MAN1C1: variants seen among roughly 807,000 people sequenced by gnomAD.
The protein encoded by MAN1C1 is mannosyl-oligosaccharide 1,2-alpha-mannosidase IC.
MAN1C1 carries 49 observed loss-of-function variants against 71.5 expected under a neutral mutation model. The observed-to-expected ratio is 0.69, with a 90% confidence interval of 0.54 to 0.87. MAN1C1 has a LOEUF of 0.87. MAN1C1 is among the 40% of genes least tolerant of loss of function. The pLI is 0.00. For synonymous variants in MAN1C1, 352 were observed against 343.7 expected, an observed-to-expected ratio of 1.02 and a Z score of -0.27; for missense variants, 743 against 835.0, an observed-to-expected ratio of 0.89 and a Z score of 1.36.
chr1:25,661,096 A>G (rs1183164652), intron 1 of MAN1C1, among the ~76,000 whole-genome samples: 2 of 151,624 alleles, frequency 1.3e-5, no homozygotes, highest in Admixed American at 1.3e-4. Context: ...TTTTTTTTTA[A>G]TTTCAGTTTT....
At position 25,753,332 on chromosome 1, in the gene MAN1C1, A is replaced by G. The variant is rs2047241512; in HGVS notation, c.835-152A>G. The G allele has an allele frequency of 1.9e-6, 1 of 517,688 alleles. No individual in the cohort carries two copies. Among genetic ancestry groups the G allele is most frequent in the South Asian group, 3.3e-5 (1 of 29,910 alleles). 32.1% of individuals were successfully genotyped at this position (517,688 alleles called of 1,614,324 possible). On this transcript the variant is annotated intron_variant, in intron 4 of 11. Transcript: ENST00000374332. This position sits in a 1 kb window ranked among gnomAD's most constrained non-coding sequence, Gnocchi z 4.9. Reference sequence around the variant, plus strand: ...GTACCTTGCCAAAGTCCACGTGGCCAGCAGTTGGAAGAACCGGGCTGGTGG... The same window carrying G: ...GTACCTTGCCAAAGTCCACGTGGCCGGCAGTTGGAAGAACCGGGCTGGTGG...
Position 25,753,698 on chromosome 1 carries a change from G to C in MAN1C1, c.929+120G>C, listed in dbSNP as rs1475035034. 5 of 730,994 alleles carry C rather than the reference G, an allele frequency of 6.8e-6. No homozygotes were observed. The highest frequency in any genetic ancestry group is 5.7e-5 in the East Asian group (2 of 35,056). The allele number at this position is 730,994 out of a possible 1,614,324, so 45.3% of individuals were successfully genotyped here. On this transcript the variant is annotated intron_variant, in intron 5 of 11. Transcript: ENST00000374332. The surrounding 1 kb of genome is among the most constrained non-coding windows in gnomAD (Gnocchi z 4.9). ...GCAGTAGGCAGGCAAGCAGGAGGGG[G>C]GACCCTTGGGACCACCTCTGTTGAA...
At chr1:25,781,824 C>T (rs1385314063) in intron 10 of MAN1C1, among the ~76,000 whole-genome samples, 6 of 152,330 alleles carry the variant, frequency 3.9e-5, no homozygotes, top group East Asian at 3.9e-4. Context: ...AAAGGCCAAG[C>T]GTCTTGTGCT....
At chr1:25,724,538 G>C (rs1557780294) in intron 2 of MAN1C1, among the ~76,000 whole-genome samples, 1 of 151,666 alleles carries the variant, frequency 6.6e-6, no homozygotes, top group African/African-American at 2.4e-5. Flanking sequence ...AAGCCTCTGC[G>C]TGTGTCACAT....
intron 1 of MAN1C1, among the ~76,000 whole-genome samples, chr1:25,640,364 T>G (rs1013514956): frequency 1.3e-5 from 2 of 152,238 alleles, no homozygotes. Context: ...CTTTGCCAAG[T>G]AAATGCTGAT....
chr1:25,673,898 T>C (rs1351711367), intron 1 of MAN1C1, among the ~76,000 whole-genome samples: 1 of 152,188 alleles, frequency 6.6e-6, no homozygotes, highest in African/African-American at 2.4e-5. Flanking sequence ...ATTTTGGAAA[T>C]GGTAGAGACA....
At chr1:25,704,978 A>AAG (rs2046499700) in intron 2 of MAN1C1, among the ~76,000 whole-genome samples, 1 of 152,240 alleles carries the variant, frequency 6.6e-6, no homozygotes, top group Non-Finnish European at 1.5e-5. Flanking sequence ...CCCTCTTGTT[A>AAG]AGGCTGCAGT....
chr1:25,625,591 G>A (rs1441475482), intron 1 of MAN1C1, among the ~76,000 whole-genome samples: 2 of 152,202 alleles, frequency 1.3e-5, no homozygotes, highest in Non-Finnish European at 2.9e-5. Flanking sequence ...TGAGGTGGGA[G>A]GATCACATGA....
At chr1:25,660,396 CTTTTTTT>C (rs1178878513) in intron 1 of MAN1C1, among the ~76,000 whole-genome samples, 9,019 of 97,096 alleles carry the variant, frequency 0.093, 937 homozygotes, top group African/African-American at 0.32. Context: ...AGTGAAATTC[CTTTTTTT>C]TTTTTTTTTT....
At chr1:25,702,571 A>C (rs190639247) in intron 2 of MAN1C1, among the ~76,000 whole-genome samples, 4 of 152,338 alleles carry the variant, frequency 2.6e-5, no homozygotes, top group African/African-American at 7.2e-5. Flanking sequence ...GATTTGAAGC[A>C]GTTAAACAGA....
At position 25,753,616 on chromosome 1, in the gene MAN1C1, C is replaced by A. The variant is rs762943064; in HGVS notation, c.929+38C>A. 6.4e-7 allele frequency: 1 copy of A among 1,564,482 alleles called. No individual in the cohort carries two copies. Among genetic ancestry groups the A allele is most frequent in the Non-Finnish European group, 8.8e-7 (1 of 1,139,520 alleles). ...CGCGTTCCCCACTGGGGCTTTACTGCGACCATGCCCACCATTTGTGTTTTG... is the reference window on the plus strand; with the variant it reads ...CGCGTTCCCCACTGGGGCTTTACTGAGACCATGCCCACCATTTGTGTTTTG... On this transcript the variant is annotated intron_variant, in intron 5 of 11. Transcript: ENST00000374332. The surrounding 1 kb of genome is among the most constrained non-coding windows in gnomAD (Gnocchi z 4.9).
chr1:25,749,046 A>G (rs946781110), intron 3 of MAN1C1, among the ~76,000 whole-genome samples: 1 of 152,246 alleles, frequency 6.6e-6, no homozygotes, highest in Admixed American at 6.5e-5. Context: ...CAAGCCCAGC[A>G]TTTATTTGGA....
chr1:25,758,611 A>G lies in MAN1C1; in HGVS notation c.949A>G (p.Thr317Ala), dbSNP rs771548152. The change falls in exon 6 of 12, where the codon ACA becomes GCA. Residue 317 changes from threonine to alanine, a missense_variant. Thr to Ala is a moderately conservative substitution (Grantham distance 58). Transcript: ENST00000374332. The stretch of plus-strand genomic sequence containing the variant: ...TTTCAGTGGGAACTGGGGCTGGGCC[A>G]CAGCCGGCAGCAGCAGCATCTTGGC... ...SFKSGNWGWA[T>A]AGSSSILAEF... 1 of 1,614,074 alleles carries G rather than the reference A, an allele frequency of 6.2e-7. No individual in the cohort carries two copies. Among genetic ancestry groups the G allele is most frequent in the Non-Finnish European group, 8.5e-7 (1 of 1,180,048 alleles).
At chr1:25,774,816 A>G (rs970550467) in intron 8 of MAN1C1, among the ~76,000 whole-genome samples, 27 of 113,200 alleles carry the variant, frequency 2.4e-4, no homozygotes, top group Admixed American at 9.1e-5. Flanking sequence ...TATTTTTGTT[A>G]ATACATTAAA....
chr1:25,645,474 G>T (rs987806585), intron 1 of MAN1C1: 3 of 152,238 alleles, frequency 2.0e-5, no homozygotes, highest in African/African-American at 7.2e-5. Flanking sequence ...ACACACTGAA[G>T]ATTCACAGGC....
rs150109426 is a variant in MAN1C1 at position 25,719,365 on chromosome 1, G to A, written c.638-27303G>A. On this transcript the variant is annotated intron_variant, in intron 2 of 11. Coordinates refer to ENST00000374332, the MANE Select transcript of MAN1C1 (RefSeq NM_020379.4). ...TGGGATTACAGGCATGAGCCACTGTGCCCAGCCCCAATACTTATTATTTTT... is the reference window on the plus strand; with the variant it reads ...TGGGATTACAGGCATGAGCCACTGTACCCAGCCCCAATACTTATTATTTTT... Among the ~76,000 whole-genome samples, 1,474 of 149,400 alleles carry A rather than the reference G, an allele frequency of 9.9e-3. 27 individuals are homozygous for A. Among genetic ancestry groups the A allele is most frequent in the African/African-American group, 0.032 (1,311 of 40,970 alleles).
chr1:25,619,921 C>T (rs543957120), intron 1 of MAN1C1, among the ~76,000 whole-genome samples: 5 of 152,236 alleles, frequency 3.3e-5, no homozygotes, highest in South Asian at 2.1e-4. Flanking sequence ...CATGGGGCAT[C>T]CAGAGGTGCC....
rs2047389692 is a variant in MAN1C1, at chr1:25,763,590, G to A, written c.1048-284G>A. On this transcript the variant is annotated intron_variant, in intron 6 of 11. Coordinates refer to ENST00000374332, the MANE Select transcript of MAN1C1 (RefSeq NM_020379.4). ...TTGAGAGTTGGGTGGGATAGGAGTC[G>A]GCCAGGCAGTGGTTCTGGGGTTGAG... 1.1e-5 allele frequency: 4 copies of A among 366,994 alleles called. No homozygotes were observed. The South Asian group carries it at 1.7e-4, about 15-fold the overall frequency. 22.7% of individuals were successfully genotyped at this position (366,994 alleles called of 1,614,324 possible).
At chr1:25,680,689 C>A (rs2046139326) in intron 1 of MAN1C1, among the ~76,000 whole-genome samples, 1 of 152,322 alleles carries the variant, frequency 6.6e-6, no homozygotes, top group Admixed American at 6.5e-5. Context: ...GCATGGTATA[C>A]CACATTCTGT....
Sources: allele counts gnomAD v4.1 joint callset (sites outside exome capture counted in the v4.1 genomes callset), GRCh38; gene constraint gnomAD v4.1.1; non-coding constraint Gnocchi (gnomAD v3.1); transcripts MANE v1.5; gene names NCBI Gene and HGNC (gene_info 2026-07-23, HGNC 2026-07-21).